The following KANK1 variants were observed in gnomAD, a reference collection of about 807,000 sequenced individuals.
The protein encoded by KANK1 is KN motif and ankyrin repeat domain-containing protein 1.
A neutral mutation model predicts 106.2 loss-of-function variants in KANK1; 109 were observed. The observed-to-expected ratio is 1.03, with a 90% CI of 0.88 to 1.20. The LOEUF (loss-of-function observed/expected upper bound fraction) is 1.20. Ranked by LOEUF, KANK1 falls within the 50% of genes most tolerant of loss-of-function variation. The pLI, the probability that KANK1 is intolerant of heterozygous loss-of-function variation, is 0.00. For missense variants in KANK1, 2,399 were observed against 1,710.7 expected (o/e 1.40, Z -7.10); for synonymous variants, 873 against 652.2 (o/e 1.34, Z -5.16).
At chr9:492,373 T>C (rs1587244816) in intron 3 of KANK1, 1 of 152,338 alleles carries the variant, frequency 6.6e-6, no homozygotes, top group East Asian at 1.9e-4. Flanking sequence ...CTGTCGGTAC[T>C]TACGTGGATA....
chr9:712,907 C>T lies in KANK1; in HGVS notation c.2141C>T (p.Thr714Met), dbSNP rs199666686. 5.0e-6 allele frequency: 8 copies of T among 1,614,032 alleles called. No individual in the cohort carries two copies. Among genetic ancestry groups the T allele is most frequent in the East Asian group, 2.2e-5 (1 of 44,864 alleles). ...DKQTSTQTVE[T>M]RTVAVGEGRV... ...CAGACCAGCACCCAGACTGTGGAGA[C>T]GCGGACAGTAGCTGTAGGAGAAGGC... Residue 714 changes from threonine (T) to methionine (M), a missense_variant, in exon 3 of 12, where the codon ACG becomes ATG. Coordinates refer to ENST00000382297, the MANE Select transcript of KANK1 (RefSeq NM_015158.5).
intron 11 of KANK1, 194 bp from the exon 12 acceptor site, chr9:744,979 G>A: frequency 6.7e-7 from 1 of 1,484,264 alleles, no homozygotes; most frequent in South Asian, 1.4e-5. Context: ...TCCCAGGACA[G>A]CCGGACATAG....
intron 1 of KANK1, among the ~76,000 whole-genome samples, chr9:635,262 A>C (rs904095776): frequency 2.0e-5 from 3 of 151,970 alleles, no homozygotes; most frequent in African/African-American, 7.3e-5. Flanking sequence ...GATTTTAGGT[A>C]CCCAGCCCCC....
intron 1 of KANK1, among the ~76,000 whole-genome samples, chr9:672,276 G>A (rs577610787): frequency 6.6e-6 from 1 of 152,288 alleles, no homozygotes; most frequent in Admixed American, 6.5e-5. Context: ...TTGTAGGGTT[G>A]TTGTGAAGTT....
At chr9:482,366 C>A (rs1212623543) in intron 3 of KANK1, among the ~76,000 whole-genome samples, 1 of 152,194 alleles carries the variant, frequency 6.6e-6, no homozygotes, top group East Asian at 1.9e-4. Context: ...GTGGTGTACA[C>A]CTTTGTTGGG....
chr9:618,723 CCAACCA>C (rs533669042), intron 1 of KANK1, among the ~76,000 whole-genome samples: 182 of 152,128 alleles, frequency 1.2e-3, no homozygotes, highest in African/African-American at 4.0e-3. Context: ...AAAAAAGTCT[CCAACCA>C]CAACATCCAA....
chr9:730,000 G>T, intron 3 of KANK1, 51 bp from the exon 4 acceptor site: 6 of 1,503,908 alleles, frequency 4.0e-6, no homozygotes, highest in Non-Finnish European at 5.5e-6. Flanking sequence ...GTTGAAGCCT[G>T]CTTTTTCAGT....
intron 3 of KANK1, among the ~76,000 whole-genome samples, chr9:726,100 T>A (rs1830567317): frequency 1.3e-5 from 2 of 152,204 alleles, no homozygotes; most frequent in African/African-American, 4.8e-5. Context: ...TATTTACTAA[T>A]GCCAGTAGGC....
At chr9:663,236 T>C (rs1045000826) in intron 1 of KANK1, among the ~76,000 whole-genome samples, 2 of 152,208 alleles carry the variant, frequency 1.3e-5, no homozygotes, top group Admixed American at 6.5e-5. Flanking sequence ...AACTAACTTA[T>C]ATCTGTGGCT....
intron 2 of KANK1, among the ~76,000 whole-genome samples, chr9:702,966 GT>G (rs1823056752): frequency 6.6e-6 from 1 of 152,010 alleles, no homozygotes; most frequent in Non-Finnish European, 1.5e-5. Context: ...TTGTGTTTTG[GT>G]TTTTTGGAGT....
chr9:550,166 AGCAG>A (rs139891729), intron 1 of KANK1, among the ~76,000 whole-genome samples: 5,225 of 149,922 alleles, frequency 0.035, 111 homozygotes, highest in Non-Finnish European at 0.054. Flanking sequence ...GGGATAAATA[AGCAG>A]ACAGTCTGTG....
chr9:543,912 C>G (rs552201621), intron 1 of KANK1, among the ~76,000 whole-genome samples: 2 of 152,298 alleles, frequency 1.3e-5, no homozygotes, highest in East Asian at 1.9e-4. Context: ...CTCTTTAATC[C>G]TGATAATTTC....
intron 1 of KANK1, among the ~76,000 whole-genome samples, chr9:514,159 CCTTCCTCTCTCCCTCCCTTCCTCT>C (rs1563696890): frequency 6.8e-5 from 6 of 87,672 alleles, no homozygotes; most frequent in African/African-American, 4.4e-4. Context: ...TCTCTCCCTC[CCTTCCTCTCTCCCTCCCTTCCTCT>C]CTCCCTCCCT....
chr9:609,670 A>G (rs997653019), intron 1 of KANK1, among the ~76,000 whole-genome samples: 1 of 152,136 alleles, frequency 6.6e-6, no homozygotes, highest in Non-Finnish European at 1.5e-5. Context: ...AATAGACTCA[A>G]TAGACATTGA....
At chr9:671,842 G>C (rs1815221005) in intron 1 of KANK1, among the ~76,000 whole-genome samples, 1 of 151,890 alleles carries the variant, frequency 6.6e-6, no homozygotes, top group Admixed American at 6.6e-5. Context: ...CAGCTGCTTG[G>C]GAGGCTGAGG....
chr9:674,328 T>TAGTC (rs1815919832), intron 1 of KANK1: 1 of 150,340 alleles, frequency 6.7e-6, no homozygotes, highest in African/African-American at 2.5e-5. Flanking sequence ...AACACAATGC[T>TAGTC]AGTCAGTGTA....
chr9:666,109 A>C, intron 1 of KANK1, among the ~76,000 whole-genome samples: 1 of 152,146 alleles, frequency 6.6e-6, no homozygotes, highest in Non-Finnish European at 1.5e-5. Flanking sequence ...TGAGACCAAG[A>C]AATCAAGACT....
chr9:688,851 G>A (rs1819185753), intron 2 of KANK1, among the ~76,000 whole-genome samples: 1 of 152,138 alleles, frequency 6.6e-6, no homozygotes, highest in Admixed American at 6.5e-5. Context: ...GGTGCAGCTT[G>A]GTGGGCTGGT....
intron 1 of KANK1, among the ~76,000 whole-genome samples, chr9:570,650 C>G (rs1401046427): frequency 6.6e-6 from 1 of 152,144 alleles, no homozygotes; most frequent in African/African-American, 2.4e-5. Context: ...TTTTTAACAC[C>G]ACTTGCCTCC....
Sources: gnomAD v4.1 joint callset for allele counts (sites outside exome capture counted in the v4.1 genomes callset) on GRCh38, gnomAD v4.1.1 for gene constraint, MANE v1.5 for transcripts, NCBI Gene and HGNC (gene_info 2026-07-23, HGNC 2026-07-21) for gene names.